ITIH5: variants seen among roughly 807,000 people sequenced by gnomAD.
ITIH5 encodes the protein inter-alpha-trypsin inhibitor heavy chain 5, also known as inter-alpha-trypsin inhibitor heavy chain H5.
Under a neutral mutation model 77.5 loss-of-function variants are expected in ITIH5, and 65 were observed. The observed-to-expected ratio is 0.84, with a 90% CI of 0.69 to 1.03. The LOEUF (loss-of-function observed/expected upper bound fraction) is 1.03. ITIH5 is among the 50% of genes least tolerant of loss of function. The probability of loss-of-function intolerance (pLI) is 0.00; values close to 1 mark genes in which losing one functional copy is unlikely to be tolerated. For synonymous variants in ITIH5, 525 were observed against 494.3 expected, an observed-to-expected ratio of 1.06 and a Z score of -0.82; for missense variants, 1,208 against 1,213.1, an observed-to-expected ratio of 1.00 and a Z score of 0.06.
chr10:7,607,419 G>A (rs1227467393), intron 7 of ITIH5, among the ~76,000 whole-genome samples: 1 of 152,212 alleles, frequency 6.6e-6, no homozygotes. Flanking sequence ...GCCAAGGTGG[G>A]AGGATCGCTT....
chr10:7,588,047 A>C (rs1176869900), intron 7 of ITIH5, among the ~76,000 whole-genome samples: 1 of 152,226 alleles, frequency 6.6e-6, no homozygotes, highest in Non-Finnish European at 1.5e-5. Flanking sequence ...TAGGAACCTC[A>C]AATTCTACTT....
chr10:7,585,062 A>G (rs1043731060), intron 8 of ITIH5, among the ~76,000 whole-genome samples: 1 of 152,140 alleles, frequency 6.6e-6, no homozygotes, highest in Admixed American at 6.5e-5. Context: ...GACTGAACAG[A>G]GTGTTTTGTA....
chr10:7,605,771 C>CCACGTTTG (rs58945282), intron 7 of ITIH5, among the ~76,000 whole-genome samples: 1 of 152,022 alleles, frequency 6.6e-6, no homozygotes, highest in Non-Finnish European at 1.5e-5. Context: ...ATAAGCACTT[C>CCACGTTTG]TCATTTAATT....
intron 12 of ITIH5, among the ~76,000 whole-genome samples, chr10:7,568,260 A>T (rs1367641765): frequency 6.6e-6 from 1 of 152,206 alleles, no homozygotes; most frequent in Non-Finnish European, 1.5e-5. Context: ...CAATCTTCCC[A>T]GTAATCTTCC....
Position 7,559,713 on chromosome 10 carries a change from G to A in ITIH5, c.*3370C>T, listed in dbSNP as rs1271189450. On this transcript the variant is annotated 3_prime_UTR_variant, in exon 14 of 14. Transcript: ENST00000397146. ...ACATTTATTTCTCACAGTTCTGGAG[G>A]CTGGGAGGTCCAAGATCAAGGTGCC... The A allele has an allele frequency of 7.0e-6, 3 of 427,576 alleles. No individual in the cohort carries two copies. Among genetic ancestry groups the A allele is most frequent in the African/African-American group, 4.2e-5 (2 of 47,986 alleles). The allele number at this position is 427,576 out of a possible 1,614,324, so 26.5% of individuals were successfully genotyped here. A position where few individuals can be genotyped will look rare whatever the true frequency, so the allele number is the denominator to read the frequency against.
intron 4 of ITIH5, among the ~76,000 whole-genome samples, chr10:7,638,729 G>C (rs1157364461): frequency 6.6e-6 from 1 of 152,154 alleles, no homozygotes; most frequent in Non-Finnish European, 1.5e-5. Context: ...TACGAAAAGA[G>C]ATACCAGGGT....
intron 7 of ITIH5, chr10:7,600,465 C>T: frequency 2.3e-6 from 1 of 443,594 alleles, no homozygotes; most frequent in South Asian, 1.6e-5. Flanking sequence ...CTGCCATCAA[C>T]CCAGCCCTGC....
At chr10:7,639,797 CAAAA>C (rs1588420159) in intron 4 of ITIH5, among the ~76,000 whole-genome samples, 1 of 151,780 alleles carries the variant, frequency 6.6e-6, no homozygotes, top group Non-Finnish European at 1.5e-5. Flanking sequence ...CATTTATAAA[CAAAA>C]GAAAGAATAA....
At chr10:7,598,022 C>T (rs928423694) in intron 7 of ITIH5, among the ~76,000 whole-genome samples, 2 of 151,902 alleles carry the variant, frequency 1.3e-5, no homozygotes, top group African/African-American at 4.8e-5. Context: ...AATCTAGCAA[C>T]AGATTGGCTC....
chr10:7,611,347 C>A (rs925926219), intron 7 of ITIH5, among the ~76,000 whole-genome samples: 1 of 152,170 alleles, frequency 6.6e-6, no homozygotes, highest in Non-Finnish European at 1.5e-5. Flanking sequence ...AAGAAGTGCC[C>A]GAATTATTTT....
intron 5 of ITIH5, among the ~76,000 whole-genome samples, chr10:7,634,766 G>C (rs1833773216): frequency 6.6e-6 from 1 of 152,002 alleles, no homozygotes; most frequent in South Asian, 2.1e-4. Flanking sequence ...TGCTGACACA[G>C]CTACTGAATG....
At chr10:7,587,979 G>A (rs10905194) in intron 7 of ITIH5, among the ~76,000 whole-genome samples, 1 of 151,940 alleles carries the variant, frequency 6.6e-6, no homozygotes, top group Non-Finnish European at 1.5e-5. Flanking sequence ...CTCCTCAGCC[G>A]CCTTTCAATC....
At chr10:7,586,953 C>T (rs921178332) in intron 7 of ITIH5, among the ~76,000 whole-genome samples, 2 of 152,088 alleles carry the variant, frequency 1.3e-5, no homozygotes, top group African/African-American at 4.8e-5. Flanking sequence ...GCCTCAGCTT[C>T]CTGAGTAGCT....
chr10:7,579,397 T>TAGGTGG (rs1832492451), intron 9 of ITIH5, among the ~76,000 whole-genome samples: 1 of 152,120 alleles, frequency 6.6e-6, no homozygotes, highest in Admixed American at 6.5e-5. Flanking sequence ...TGGTGGTGTG[T>TAGGTGG]GACTGTAGTC....
At chr10:7,662,194 C>T (rs771555054) in intron 1 of ITIH5, among the ~76,000 whole-genome samples, 7 of 151,914 alleles carry the variant, frequency 4.6e-5, no homozygotes, top group Non-Finnish European at 7.4e-5. Context: ...CCCGTCTCTA[C>T]AAAAATACAA....
intron 2 of ITIH5, among the ~76,000 whole-genome samples, chr10:7,644,570 TATATCACATATATCACATATATATCATAC>T (rs1564277596): frequency 4.0e-5 from 3 of 74,330 alleles, no homozygotes; most frequent in African/African-American, 1.7e-4. Context: ...ATATATGATA[TATATCACATATATCACATATATATCATAC>T]ATATCACATA....
chr10:7,664,261 A>G (rs1834324859), intron 1 of ITIH5, among the ~76,000 whole-genome samples: 1 of 152,022 alleles, frequency 6.6e-6, no homozygotes. Flanking sequence ...TTAGCCAGGC[A>G]TGGTGGAGTG....
Position 7,566,112 on chromosome 10 carries a change from C to T in ITIH5, c.2445G>A (p.Lys815=), listed in dbSNP as rs554353708. The T allele has an allele frequency of 5.6e-6, 9 of 1,614,102 alleles. No homozygotes were observed. The South Asian group carries it at 8.8e-5, about 16-fold the overall frequency. The change falls in exon 13 of 14, where the codon AAG becomes AAA. Residue 815 remains lysine, a synonymous_variant. Transcript: ENST00000397146. ...GGTGGTGTCGCTGGAAGGGCGCCGGCTTTTTGTAGAGGTGGATGAGGATGA... is the reference window on the plus strand; with the variant it reads ...GGTGGTGTCGCTGGAAGGGCGCCGGTTTTTTGTAGAGGTGGATGAGGATGA... ...AFVILIHLYK[K]PAPFQRHHLG...
chr10:7,598,039 A>G (rs938400499), intron 7 of ITIH5, among the ~76,000 whole-genome samples: 45 of 152,176 alleles, frequency 3.0e-4, no homozygotes, highest in African/African-American at 1.0e-3. Flanking sequence ...GCTCCCAAGA[A>G]GAAATCAAAA....
Sources: gnomAD v4.1 joint callset for allele counts (sites outside exome capture counted in the v4.1 genomes callset) on GRCh38, gnomAD v4.1.1 for gene constraint, MANE v1.5 for transcripts, NCBI Gene and HGNC (gene_info 2026-07-23, HGNC 2026-07-21) for gene names.